Variants in SLC1A2 observed in about 807,000 individuals in gnomAD.
The protein encoded by SLC1A2 is solute carrier family 1 member 2.
A neutral mutation model predicts 48.8 loss-of-function variants in SLC1A2; 15 were observed. The ratio of observed to expected loss-of-function variants is 0.31; its 90% confidence interval spans 0.21 to 0.47. The LOEUF (loss-of-function observed/expected upper bound fraction) is 0.47, where lower values mean the gene tolerates loss of function less well. Among genes scored for constraint, SLC1A2 ranks in the 20% least tolerant of loss-of-function variants. SLC1A2 has a pLI of 0.99. For synonymous variants in SLC1A2, 279 were observed against 272.6 expected, an observed-to-expected ratio of 1.02 and a Z score of -0.23; for missense variants, 502 against 730.5, an observed-to-expected ratio of 0.69 and a Z score of 3.61.
intron 9 of SLC1A2, among the ~76,000 whole-genome samples, chr11:35,270,538 T>C (rs896427302): frequency 1.3e-5 from 2 of 152,200 alleles, no homozygotes; most frequent in African/African-American, 2.4e-5. Context: ...GCCAATTGCT[T>C]AGGCAGCAAA....
At chr11:35,339,127 G>C (rs938874637) in intron 1 of SLC1A2, among the ~76,000 whole-genome samples, 2 of 152,232 alleles carry the variant, frequency 1.3e-5, no homozygotes, top group Non-Finnish European at 2.9e-5. Flanking sequence ...TTATGACAAA[G>C]AGTGATGTCA....
At chr11:35,265,826 C>T (rs565041657) in intron 9 of SLC1A2, 68 bp from the exon 10 acceptor site, 518 of 980,854 alleles carry the variant, frequency 5.3e-4, no homozygotes, top group Non-Finnish European at 7.4e-4. Context: ...AGGTCAAGGT[C>T]TGGAGTCAGA....
intron 1 of SLC1A2, among the ~76,000 whole-genome samples, chr11:35,379,205 G>T (rs12286827): frequency 0.034 from 5,156 of 152,082 alleles, 292 homozygotes; most frequent in African/African-American, 0.12. Context: ...CTCTAGCCTG[G>T]GCAACAAGAG....
In SLC1A2 at chr11:35,412,048, A is replaced by C. The variant is rs3911975; in HGVS notation, c.17+6902T>G. ...TTGAAGACACTTACTGGAGCAAAAA[A>C]AAAAAACAAAACAAAAATAAAAAGC... On this transcript the variant is annotated intron_variant, in intron 1 of 10. Coordinates refer to ENST00000278379, the MANE Select transcript of SLC1A2 (RefSeq NM_004171.4). Among the ~76,000 whole-genome samples the C allele has an allele frequency of 4.0e-5, 6 of 151,826 alleles. No individual in the cohort carries two copies. In the East Asian group the frequency reaches 1.2e-3, roughly 29 times the overall value.
At chr11:35,354,424 G>A (rs188728258) in intron 1 of SLC1A2, among the ~76,000 whole-genome samples, 30 of 152,110 alleles carry the variant, frequency 2.0e-4, no homozygotes, top group African/African-American at 6.7e-4. Flanking sequence ...TTACACTACT[G>A]TACCCAGCCT....
chr11:35,406,052 CAG>C (rs1855282789), intron 1 of SLC1A2, among the ~76,000 whole-genome samples: 1 of 152,156 alleles, frequency 6.6e-6, no homozygotes. Context: ...CCCTGATCCT[CAG>C]AGAGATACCA....
intron 7 of SLC1A2, chr11:35,291,583 G>A (rs1362615495): frequency 2.6e-5 from 4 of 152,162 alleles, no homozygotes; most frequent in African/African-American, 9.7e-5. Flanking sequence ...CGTTTCTTAT[G>A]TATTTCTTCT....
intron 1 of SLC1A2, among the ~76,000 whole-genome samples, chr11:35,341,569 G>A (rs1388382768): frequency 6.6e-6 from 1 of 152,104 alleles, no homozygotes; most frequent in Non-Finnish European, 1.5e-5. Context: ...AGCAATCAGG[G>A]CAGAGTAAGT....
chr11:35,292,591 A>G, intron 6 of SLC1A2, 71 bp from the exon 7 acceptor site: 1 of 839,382 alleles, frequency 1.2e-6, no homozygotes, highest in Non-Finnish European at 1.9e-6. Context: ...CCTCCTCTGT[A>G]CCGCACACTG....
At chr11:35,284,839 C>T (rs1197963853) in intron 8 of SLC1A2, among the ~76,000 whole-genome samples, 1 of 152,214 alleles carries the variant, frequency 6.6e-6, no homozygotes, top group African/African-American at 2.4e-5. Flanking sequence ...CTGCTACAGA[C>T]ACTGGGTGGT....
chr11:35,335,211 ACT>A (rs1015464390), intron 1 of SLC1A2, among the ~76,000 whole-genome samples: 12 of 152,200 alleles, frequency 7.9e-5, no homozygotes, highest in Admixed American at 5.2e-4. Flanking sequence ...GTATTTTGCC[ACT>A]CTCAAGCAAA....
At chr11:35,386,390 C>T (rs922789511) in intron 1 of SLC1A2, among the ~76,000 whole-genome samples, 1 of 152,200 alleles carries the variant, frequency 6.6e-6, no homozygotes, top group Admixed American at 6.5e-5. Context: ...TTCCAGATAC[C>T]TGTAGACGTT....
chr11:35,312,817 T>C (rs548810307), intron 3 of SLC1A2, among the ~76,000 whole-genome samples: 2 of 152,324 alleles, frequency 1.3e-5, no homozygotes, highest in African/African-American at 4.8e-5. Flanking sequence ...TTATTAGTTT[T>C]TTTTCTCAAA....
At chr11:35,337,636 A>G (rs965859698) in intron 1 of SLC1A2, among the ~76,000 whole-genome samples, 2 of 152,156 alleles carry the variant, frequency 1.3e-5, no homozygotes, top group African/African-American at 4.8e-5. Context: ...GTAGGTGTAA[A>G]CAGACTCTAC....
At chr11:35,298,732 T>C (rs529783525) in intron 6 of SLC1A2, 2 of 152,224 alleles carry the variant, frequency 1.3e-5, no homozygotes, top group Non-Finnish European at 2.9e-5. Context: ...TCTTAATTCA[T>C]ACCACCACCC....
At chr11:35,395,183 C>G (rs1205392206) in intron 1 of SLC1A2, among the ~76,000 whole-genome samples, 1 of 151,948 alleles carries the variant, frequency 6.6e-6, no homozygotes, top group African/African-American at 2.4e-5. Flanking sequence ...GGAGCACTTA[C>G]TCTGAGGAGG....
chr11:35,375,769 A>G (rs1364134457), intron 1 of SLC1A2, among the ~76,000 whole-genome samples: 6 of 152,212 alleles, frequency 3.9e-5, no homozygotes, highest in African/African-American at 1.4e-4. Flanking sequence ...GAGGGTGAGC[A>G]ATGGTAAAAG....
chr11:35,280,150 C>T (rs1381362795), intron 9 of SLC1A2, among the ~76,000 whole-genome samples: 1 of 151,892 alleles, frequency 6.6e-6, no homozygotes, highest in Non-Finnish European at 1.5e-5. Flanking sequence ...CAAGAAACCA[C>T]TAATCTCTTT....
intron 8 of SLC1A2, 93 bp from the exon 9 acceptor site, chr11:35,281,094 T>C: frequency 7.0e-7 from 1 of 1,433,820 alleles, no homozygotes; most frequent in South Asian, 1.5e-5. Flanking sequence ...CCTGCAGCCA[T>C]AAAATTCATC....
Sources: allele counts gnomAD v4.1 joint callset (sites outside exome capture counted in the v4.1 genomes callset), GRCh38; gene constraint gnomAD v4.1.1; transcripts MANE v1.5; gene names NCBI Gene and HGNC (gene_info 2026-07-23, HGNC 2026-07-21).